Variants in AGAP1 observed in about 807,000 individuals in gnomAD.
The protein encoded by AGAP1 is arf-GAP with GTPase, ANK repeat and PH domain-containing protein 1.
In AGAP1, 29 loss-of-function variants were observed where a neutral mutation model predicts 105.3. The observed-to-expected ratio is 0.28, with a 90% CI of 0.21 to 0.38. The LOEUF is 0.38. Ranked by LOEUF, AGAP1 falls within the 10% of genes least tolerant of loss-of-function variation. The pLI is 1.00. For missense variants in AGAP1, 998 were observed against 1,165.1 expected, an observed-to-expected ratio of 0.86 and a Z score of 2.09; for synonymous variants, 509 against 485.9, an observed-to-expected ratio of 1.05 and a Z score of -0.63.
At position 236,095,902 on chromosome 2, in the gene AGAP1, A is replaced by T. The variant is rs1003033045; in HGVS notation, c.2115-24290A>T. ...TAGGATGTGCCTCTCCATAGAGAAG[A>T]AGTTCACATTCCTTTTCTGTGTGAC... is the stretch of plus-strand genomic sequence containing the variant. On this transcript the variant is annotated intron_variant, in intron 16 of 17. Transcript: ENST00000304032. This position sits in a 1 kb window ranked among gnomAD's most constrained non-coding sequence, Gnocchi z 4.1. Among the ~76,000 whole-genome samples, 1 of 148,952 alleles carries T rather than the reference A, an allele frequency of 6.7e-6. No individual in the cohort carries two copies. Among genetic ancestry groups the T allele is most frequent in the Non-Finnish European group, 1.5e-5 (1 of 66,958 alleles).
rs2057724151 is a variant in AGAP1 at position 236,046,607 on chromosome 2, A to G, written c.1892-2452A>G. Among the ~76,000 whole-genome samples, 1 of 152,132 alleles carries G rather than the reference A, an allele frequency of 6.6e-6. No individual in the cohort carries two copies. Among genetic ancestry groups the G allele is most frequent in the Non-Finnish European group, 1.5e-5 (1 of 68,022 alleles). ...GTTGACTAGGAGATTCTCCCAACTG[A>G]AATGTACGTGGTCGTTGCGTATATA... On this transcript the variant is annotated intron_variant, in intron 15 of 17. Coordinates refer to ENST00000304032, the MANE Select transcript of AGAP1 (RefSeq NM_001037131.3). This position sits in a 1 kb window ranked among gnomAD's most constrained non-coding sequence, Gnocchi z 5.2.
intron 13 of AGAP1, among the ~76,000 whole-genome samples, chr2:235,987,503 T>C (rs1324907969): frequency 2.7e-5 from 3 of 110,498 alleles, no homozygotes; most frequent in African/African-American, 1.4e-4. Flanking sequence ...ACTGGATTCA[T>C]TGATTTTTTT....
intron 13 of AGAP1, among the ~76,000 whole-genome samples, chr2:236,013,099 A>C (rs1238123355): frequency 6.6e-6 from 1 of 152,214 alleles, no homozygotes; most frequent in African/African-American, 2.4e-5. Context: ...ATAACAAGTT[A>C]ATATCACTTT....
Position 235,725,595 on chromosome 2 carries a change from C to T in AGAP1, c.310+7951C>T, listed in dbSNP as rs1951603358. ...TTAGATTTTTCAACCTCAATTTGAC[C>T]GTTAGTTGCAACCAAGTGATTATAA... On this transcript the variant is annotated intron_variant, in intron 3 of 17. Coordinates refer to ENST00000304032, the MANE Select transcript of AGAP1 (RefSeq NM_001037131.3). This position sits in a 1 kb window ranked among gnomAD's most constrained non-coding sequence, Gnocchi z 5.7. Among the ~76,000 whole-genome samples, 2 of 151,736 alleles carry T rather than the reference C, an allele frequency of 1.3e-5. No homozygotes were observed. The highest frequency in any genetic ancestry group is 2.4e-5 in the African/African-American group (1 of 41,306).
intron 1 of AGAP1, among the ~76,000 whole-genome samples, chr2:235,581,069 G>A (rs566123566): frequency 3.1e-4 from 46 of 150,034 alleles, no homozygotes; most frequent in South Asian, 1.7e-3. Flanking sequence ...GGCATAGGTC[G>A]GTGGATCACC....
At chr2:235,804,512 C>T (rs570974503) in intron 8 of AGAP1, among the ~76,000 whole-genome samples, 58 of 152,164 alleles carry the variant, frequency 3.8e-4, no homozygotes, top group Non-Finnish European at 7.1e-4. Flanking sequence ...TTCCAGCAGC[C>T]GTTGACTTAG....
At position 235,830,201 on chromosome 2, in the gene AGAP1, G is replaced by A. The variant is rs182523195; in HGVS notation, c.1050+22870G>A. Among the ~76,000 whole-genome samples, 1 of 152,146 alleles carries A rather than the reference G, an allele frequency of 6.6e-6. No individual in the cohort carries two copies. Among genetic ancestry groups the A allele is most frequent in the East Asian group, 1.9e-4 (1 of 5,188 alleles). On this transcript the variant is annotated intron_variant, in intron 9 of 17. Coordinates refer to ENST00000304032, the MANE Select transcript of AGAP1 (RefSeq NM_001037131.3). The surrounding 1 kb of genome is among the most constrained non-coding windows in gnomAD (Gnocchi z 5.5). ...AAAAGATGCAGACAAGGTAGGAGTCGGCTCTGTGTGACTTCCCCATGACAC... is the reference window on the plus strand; with the variant it reads ...AAAAGATGCAGACAAGGTAGGAGTCAGCTCTGTGTGACTTCCCCATGACAC...
chr2:235,563,214 G>GC (rs1351524480), intron 1 of AGAP1, among the ~76,000 whole-genome samples: 5 of 152,270 alleles, frequency 3.3e-5, no homozygotes, highest in African/African-American at 1.2e-4. Flanking sequence ...GAGCTGCCTG[G>GC]CCTTGGCTGT....
chr2:235,900,696 T>C lies in AGAP1; in HGVS notation c.1156-8042T>C, dbSNP rs1044990197. On this transcript the variant is annotated intron_variant, in intron 10 of 17. Transcript: ENST00000304032. This position sits in a 1 kb window ranked among gnomAD's most constrained non-coding sequence, Gnocchi z 5.5. Reference sequence around the variant, plus strand: ...TTCAAAAGGCCATTCCACCATTCTATTAATCCAGCTGCTTCAGGATGATGG... The same window carrying C: ...TTCAAAAGGCCATTCCACCATTCTACTAATCCAGCTGCTTCAGGATGATGG... Among the ~76,000 whole-genome samples, 9 of 152,326 alleles carry C rather than the reference T, an allele frequency of 5.9e-5. No homozygotes were observed. Among genetic ancestry groups the C allele is most frequent in the Non-Finnish European group, 1.3e-4 (9 of 68,034 alleles).
intron 1 of AGAP1, among the ~76,000 whole-genome samples, chr2:235,680,612 G>A (rs1043611792): frequency 2.0e-5 from 3 of 152,074 alleles, no homozygotes; most frequent in Non-Finnish European, 4.4e-5. Flanking sequence ...CAGGGAGCAA[G>A]TGACATCCAT....
At chr2:235,704,279 T>C (rs10164722) in intron 1 of AGAP1, among the ~76,000 whole-genome samples, 11,639 of 152,306 alleles carry the variant, frequency 0.076, 1,459 homozygotes, top group African/African-American at 0.26. Flanking sequence ...TTGTAACATC[T>C]GCTTAGCAAA....
intron 16 of AGAP1, among the ~76,000 whole-genome samples, chr2:236,103,881 C>T (rs906019940): frequency 6.6e-6 from 1 of 152,204 alleles, no homozygotes; most frequent in African/African-American, 2.4e-5. Flanking sequence ...TGGGCCCCTT[C>T]TAGGCACCCC....
Position 236,040,213 on chromosome 2 carries a change from C to T in AGAP1, c.1801-538C>T, listed in dbSNP as rs540878438. Among the ~76,000 whole-genome samples the T allele has an allele frequency of 1.6e-3, 239 of 152,282 alleles. 1 individual carries two copies. Among genetic ancestry groups the T allele is most frequent in the African/African-American group, 5.6e-3 (232 of 41,542 alleles). ...CTATACTCGTGTTTCTCCCTGCCCC[C>T]ACCCTGGCGAGTGGCTTTGTCACTG... On this transcript the variant is annotated intron_variant, in intron 14 of 17. Coordinates refer to ENST00000304032, the MANE Select transcript of AGAP1 (RefSeq NM_001037131.3). The surrounding 1 kb of genome is among the most constrained non-coding windows in gnomAD (Gnocchi z 5.6).
chr2:235,925,553 T>C (rs1278371264), intron 11 of AGAP1, among the ~76,000 whole-genome samples: 1 of 152,218 alleles, frequency 6.6e-6, no homozygotes, highest in African/African-American at 2.4e-5. Context: ...CTATTAGCCT[T>C]CCTGAACTGG....
chr2:235,603,531 A>G (rs1299715666), intron 1 of AGAP1, among the ~76,000 whole-genome samples: 1 of 152,238 alleles, frequency 6.6e-6, no homozygotes, highest in Non-Finnish European at 1.5e-5. Flanking sequence ...TAGAATGACT[A>G]GTTACACAGT....
intron 16 of AGAP1, among the ~76,000 whole-genome samples, chr2:236,094,970 A>T (rs147176730): frequency 0.014 from 2,118 of 150,014 alleles, 46 homozygotes; most frequent in African/African-American, 0.047. Flanking sequence ...GCAGCGGCGC[A>T]TGCCTGTGGT....
intron 3 of AGAP1, among the ~76,000 whole-genome samples, chr2:235,735,668 A>T (rs1490382573): frequency 6.6e-6 from 1 of 152,142 alleles, no homozygotes; most frequent in Non-Finnish European, 1.5e-5. Flanking sequence ...CTTGGTGGAA[A>T]TAACTCAGTT....
rs947221303 is a variant in AGAP1, at chr2:235,552,574, G to A, written c.163+57725G>A. ...CATGAGCTCACCCGCAATGTGTGTAGGGGGATGCTGCTCCCATTGGCCAGG... is the reference window on the plus strand; with the variant it reads ...CATGAGCTCACCCGCAATGTGTGTAAGGGGATGCTGCTCCCATTGGCCAGG... On this transcript the variant is annotated intron_variant, in intron 1 of 17. Transcript: ENST00000304032. This position sits in a 1 kb window ranked among gnomAD's most constrained non-coding sequence, Gnocchi z 5.9. Among the ~76,000 whole-genome samples, 1 of 152,154 alleles carries A rather than the reference G, an allele frequency of 6.6e-6. No homozygotes were observed. Among genetic ancestry groups the A allele is most frequent in the African/African-American group, 2.4e-5 (1 of 41,438 alleles).
At chr2:235,825,299 A>G (rs1218234389) in intron 9 of AGAP1, among the ~76,000 whole-genome samples, 3 of 152,360 alleles carry the variant, frequency 2.0e-5, no homozygotes, top group East Asian at 3.9e-4. Context: ...TTGAATTTCC[A>G]GTGGAAGATC....
Sources: allele counts gnomAD v4.1 joint callset (sites outside exome capture counted in the v4.1 genomes callset), GRCh38; gene constraint gnomAD v4.1.1; non-coding constraint Gnocchi (gnomAD v3.1); transcripts MANE v1.5; gene names NCBI Gene and HGNC (gene_info 2026-07-23, HGNC 2026-07-21).